The following PCDH9 variants were observed in gnomAD, a reference collection of about 807,000 sequenced individuals.
The protein encoded by PCDH9 is protocadherin-9.
PCDH9 carries 24 observed loss-of-function variants against 70.6 expected under a neutral mutation model. The ratio of observed to expected loss-of-function variants is 0.34; its 90% CI spans 0.25 to 0.48. The LOEUF is 0.48. Ranked by LOEUF, PCDH9 falls within the 20% of genes least tolerant of loss-of-function variation. PCDH9 has a pLI of 0.99. For synonymous variants in PCDH9, 562 were observed against 558.5 expected (o/e 1.01, Z -0.09); for missense variants, 1,281 against 1,503.6 (o/e 0.85, Z 2.45).
At chr13:67,034,420 A>C (rs1255943325) in intron 2 of PCDH9, among the ~76,000 whole-genome samples, 1 of 152,218 alleles carries the variant, frequency 6.6e-6, no homozygotes, top group Non-Finnish European at 1.5e-5. Flanking sequence ...TACCATACTG[A>C]TCATGCCTAC....
chr13:66,883,317 T>C (rs2081952322), intron 3 of PCDH9, among the ~76,000 whole-genome samples: 1 of 152,202 alleles, frequency 6.6e-6, no homozygotes, highest in Non-Finnish European at 1.5e-5. Context: ...CATTTTTCAT[T>C]ATGCTTACAG....
chr13:66,732,294 T>C (rs879839401), intron 3 of PCDH9, among the ~76,000 whole-genome samples: 16 of 151,914 alleles, frequency 1.1e-4, no homozygotes, highest in Non-Finnish European at 1.9e-4. Flanking sequence ...ATCCAGCTAT[T>C]TTGAAATATA....
chr13:66,364,998 A>C (rs1956530067), intron 4 of PCDH9, among the ~76,000 whole-genome samples: 1 of 152,222 alleles, frequency 6.6e-6, no homozygotes, highest in South Asian at 2.1e-4. Flanking sequence ...CATTTCAGAA[A>C]GGATGGCTGC....
At position 66,536,544 on chromosome 13, in the gene PCDH9, T is replaced by C. The variant is rs549618956; in HGVS notation, c.3340+94666A>G. Among the ~76,000 whole-genome samples the C allele has an allele frequency of 3.3e-5, 5 of 152,258 alleles. 1 individual carries two copies. In the South Asian group the frequency reaches 1.0e-3, roughly 32 times the overall value. On this transcript the variant is annotated intron_variant, in intron 4 of 4. Coordinates refer to ENST00000377865, the MANE Select transcript of PCDH9 (RefSeq NM_203487.3). The stretch of plus-strand genomic sequence containing the variant: ...CATGACTCAATGTGGCTTTTTCTTC[T>C]AGGCACAAATGAAGAAAGTCTTGAT...
intron 2 of PCDH9, among the ~76,000 whole-genome samples, chr13:66,980,742 G>GTTTTTTTTTTTTTTTTTTTTTT (rs550869529): frequency 9.3e-6 from 1 of 107,384 alleles, no homozygotes; most frequent in Non-Finnish European, 1.8e-5. Flanking sequence ...TTTTTTTTTT[G>GTTTTTTTTTTTTTTTTTTTTTT]TTTTTTTTTT....
chr13:67,015,843 A>T (rs1158290527), intron 2 of PCDH9, among the ~76,000 whole-genome samples: 1 of 152,142 alleles, frequency 6.6e-6, no homozygotes, highest in Non-Finnish European at 1.5e-5. Context: ...TCCTGTCAGT[A>T]GTTATAGCTC....
intron 2 of PCDH9, among the ~76,000 whole-genome samples, chr13:67,178,029 T>C (rs76970737): frequency 6.6e-6 from 1 of 152,108 alleles, no homozygotes; most frequent in Non-Finnish European, 1.5e-5. Flanking sequence ...GAAAACATCT[T>C]TGAAACATCC....
chr13:66,341,092 A>G (rs1956115919), intron 4 of PCDH9, among the ~76,000 whole-genome samples: 1 of 152,064 alleles, frequency 6.6e-6, no homozygotes, highest in Non-Finnish European at 1.5e-5. Flanking sequence ...ATAAATGAAA[A>G]TGACTTGCTT....
intron 2 of PCDH9, among the ~76,000 whole-genome samples, chr13:66,970,242 C>G (rs907099294): frequency 1.3e-5 from 2 of 151,924 alleles, no homozygotes; most frequent in South Asian, 2.1e-4. Flanking sequence ...GCAGAAGAAC[C>G]TAAAAAATAA....
intron 3 of PCDH9, among the ~76,000 whole-genome samples, chr13:66,838,491 A>C (rs1465478258): frequency 2.0e-5 from 3 of 152,122 alleles, no homozygotes; most frequent in African/African-American, 7.2e-5. Flanking sequence ...TGTTAAATTT[A>C]GCCAGGTTTT....
intron 3 of PCDH9, among the ~76,000 whole-genome samples, chr13:66,819,986 G>T (rs2139378688): frequency 6.6e-6 from 1 of 152,116 alleles, no homozygotes; most frequent in South Asian, 2.1e-4. Context: ...CAATAGAAAA[G>T]ATAATTATGG....
chr13:66,988,185 C>T (rs1022419140), intron 2 of PCDH9, among the ~76,000 whole-genome samples: 11 of 151,940 alleles, frequency 7.2e-5, no homozygotes, highest in Non-Finnish European at 2.9e-5. Context: ...CAAGTAAAGT[C>T]TTTACTTCCT....
At chr13:67,202,678 A>C (rs2089244084) in intron 2 of PCDH9, 1 of 152,148 alleles carries the variant, frequency 6.6e-6, no homozygotes, top group African/African-American at 2.4e-5. Flanking sequence ...ATCTATTTTT[A>C]GTGAGGGGCA....
intron 2 of PCDH9, among the ~76,000 whole-genome samples, chr13:67,091,375 A>G (rs893866601): frequency 6.6e-6 from 1 of 152,188 alleles, no homozygotes; most frequent in Admixed American, 6.5e-5. Flanking sequence ...ATTTAAATCT[A>G]TTTTGTCATA....
chr13:67,001,132 T>C (rs1252028699), intron 2 of PCDH9, among the ~76,000 whole-genome samples: 1 of 152,208 alleles, frequency 6.6e-6, no homozygotes, highest in Non-Finnish European at 1.5e-5. Flanking sequence ...GTGTGTCTGA[T>C]TCAAATGTTT....
intron 4 of PCDH9, among the ~76,000 whole-genome samples, chr13:66,377,415 T>C (rs542395694): frequency 1.3e-5 from 2 of 152,188 alleles, no homozygotes; most frequent in East Asian, 1.9e-4. Flanking sequence ...TCAGCAACCA[T>C]GGTAGGAATG....
chr13:66,720,590 A>G (rs537409586), intron 3 of PCDH9, among the ~76,000 whole-genome samples: 1 of 152,240 alleles, frequency 6.6e-6, no homozygotes, highest in African/African-American at 2.4e-5. Flanking sequence ...TAAGACCACT[A>G]AAATCCTAAT....
At chr13:66,488,991 G>A (rs149028192) in intron 4 of PCDH9, among the ~76,000 whole-genome samples, 129 of 152,132 alleles carry the variant, frequency 8.5e-4, no homozygotes, top group Non-Finnish European at 1.5e-3. Flanking sequence ...ATATGTGTTC[G>A]TATACACACA....
chr13:66,333,268 A>T (rs1955974998), intron 4 of PCDH9, among the ~76,000 whole-genome samples: 1 of 152,156 alleles, frequency 6.6e-6, no homozygotes, highest in Admixed American at 6.6e-5. Context: ...TACGATGGAG[A>T]TTTTATTTTT....
Sources: gnomAD v4.1 joint callset for allele counts (sites outside exome capture counted in the v4.1 genomes callset) on GRCh38, gnomAD v4.1.1 for gene constraint, MANE v1.5 for transcripts, NCBI Gene and HGNC (gene_info 2026-07-23, HGNC 2026-07-21) for gene names.